The following ARHGAP24 variants were observed in gnomAD, a reference collection of about 807,000 sequenced individuals.
ARHGAP24 encodes the protein rho GTPase-activating protein 24.
In ARHGAP24, 50 loss-of-function variants were observed where a neutral mutation model predicts 76.4. The ratio of observed to expected loss-of-function variants is 0.65; its 90% CI spans 0.52 to 0.83. The LOEUF is 0.83. Ranked by LOEUF, ARHGAP24 falls within the 40% of genes least tolerant of loss-of-function variation. ARHGAP24 has a pLI of 0.00. For synonymous variants in ARHGAP24, 345 were observed against 323.3 expected (o/e 1.07, Z -0.72); for missense variants, 930 against 914.2 (o/e 1.02, Z -0.22).
At chr4:85,740,731 T>TCC (rs1466642419) in intron 3 of ARHGAP24, among the ~76,000 whole-genome samples, 1 of 152,176 alleles carries the variant, frequency 6.6e-6, no homozygotes. Context: ...GAAGATGATG[T>TCC]CATTCTTTGC....
At chr4:85,673,102 C>G (rs1161491626) in intron 2 of ARHGAP24, among the ~76,000 whole-genome samples, 1 of 152,144 alleles carries the variant, frequency 6.6e-6, no homozygotes, top group African/African-American at 2.4e-5. Flanking sequence ...TTTCCCTTAA[C>G]AAGGTAAGCA....
In ARHGAP24 at chr4:85,554,659, A is replaced by T. The variant is rs564952703; in HGVS notation, c.-20-15863A>T. 6.6e-5 allele frequency among the ~76,000 whole-genome samples: 10 copies of T among 151,372 alleles called. No individual in the cohort carries two copies. The South Asian group carries it at 2.1e-3, about 32-fold the overall frequency. ...GATCAGTTTGGTTCTTTTTATTTTT[A>T]TTATTATTATTTTTTCTTCTTAGAT... On this transcript the variant is annotated intron_variant, in intron 1 of 9. Transcript: ENST00000395184.
rs1007086611 is a variant in ARHGAP24 at position 85,995,159 on chromosome 4, G to A, written c.1505G>A (p.Ser502Asn). The A allele has an allele frequency of 1.2e-6, 2 of 1,613,942 alleles. No homozygotes were observed. The highest frequency in any genetic ancestry group is 2.7e-5 in the African/African-American group (2 of 74,888). ...LGNPTNVRNM[S>N]WLPNGYVTLR... ...AACCCCACAAATGTTCGAAACATGA[G>A]CTGGCTGCCAAATGGCTATGTGACC... Residue 502 changes from serine to asparagine, a missense_variant, in exon 9 of 10, where the codon AGC (serine) becomes AAC (asparagine). Coordinates refer to ENST00000395184, the MANE Select transcript of ARHGAP24 (RefSeq NM_001025616.3).
chr4:85,776,814 G>A (rs545714923), intron 3 of ARHGAP24, among the ~76,000 whole-genome samples: 115 of 152,118 alleles, frequency 7.6e-4, no homozygotes, highest in African/African-American at 2.6e-3. Flanking sequence ...TCTCCTCAAG[G>A]CCTATTACCT....
At chr4:85,667,561 G>T (rs982326586) in intron 2 of ARHGAP24, among the ~76,000 whole-genome samples, 1 of 152,188 alleles carries the variant, frequency 6.6e-6, no homozygotes, top group Non-Finnish European at 1.5e-5. Context: ...TACCTCAGAT[G>T]GAAATGCAGA....
intron 1 of ARHGAP24, among the ~76,000 whole-genome samples, chr4:85,541,712 A>G (rs1276736989): frequency 6.6e-6 from 1 of 152,126 alleles, no homozygotes; most frequent in African/African-American, 2.4e-5. Flanking sequence ...AGATCAGCAC[A>G]TTTTCTAAGT....
At chr4:85,572,147 A>T (rs1727164262) in intron 2 of ARHGAP24, among the ~76,000 whole-genome samples, 1 of 152,172 alleles carries the variant, frequency 6.6e-6, no homozygotes, top group Non-Finnish European at 1.5e-5. Flanking sequence ...CTTACCCTCC[A>T]CGGTTCTTTT....
At chr4:85,479,552 A>G (rs1008494781) in intron 1 of ARHGAP24, among the ~76,000 whole-genome samples, 2 of 152,232 alleles carry the variant, frequency 1.3e-5, no homozygotes, top group Non-Finnish European at 2.9e-5. Context: ...TGGCTATTTA[A>G]TAATTATCTG....
rs187632436 is a variant in ARHGAP24 at position 85,643,751 on chromosome 4, T to C, written c.180+73030T>C. Among the ~76,000 whole-genome samples the C allele has an allele frequency of 7.0e-3, 1,067 of 152,240 alleles. 14 individuals carry two copies. The highest frequency in any genetic ancestry group is 0.025 in the African/African-American group (1,021 of 41,548). ...TGTTTTATTCCCCAAAAGAGTATCT[T>C]TTGATATTGGTTTTCAGCAAAAATT... On this transcript the variant is annotated intron_variant, in intron 2 of 9. Transcript: ENST00000395184.
At chr4:85,698,390 T>C (rs1723947473) in intron 2 of ARHGAP24, among the ~76,000 whole-genome samples, 1 of 152,136 alleles carries the variant, frequency 6.6e-6, no homozygotes, top group Admixed American at 6.6e-5. Context: ...GATCCAGAAA[T>C]TCTTCAGAGA....
At chr4:85,903,156 GA>G (rs1734594242) in intron 3 of ARHGAP24, among the ~76,000 whole-genome samples, 1 of 152,140 alleles carries the variant, frequency 6.6e-6, no homozygotes, top group African/African-American at 2.4e-5. Context: ...TCTTAAATGA[GA>G]AATTTTACAC....
intron 2 of ARHGAP24, among the ~76,000 whole-genome samples, chr4:85,676,543 C>G (rs1362062383): frequency 6.6e-6 from 1 of 152,012 alleles, no homozygotes; most frequent in Non-Finnish European, 1.5e-5. Context: ...TGAACTCTAA[C>G]CAAGTGGGAA....
chr4:85,997,381 TAGATAG>T (rs1560776653), intron 9 of ARHGAP24, among the ~76,000 whole-genome samples: 37 of 29,712 alleles, frequency 1.2e-3, no homozygotes, highest in Middle Eastern at 0.022. Context: ...TATAGATAGA[TAGATAG>T]ATAGATAGAT....
chr4:85,976,104 GA>G (rs1329289105), intron 7 of ARHGAP24, among the ~76,000 whole-genome samples: 2 of 152,212 alleles, frequency 1.3e-5, no homozygotes, highest in African/African-American at 4.8e-5. Flanking sequence ...TAAAAGGGAT[GA>G]AAAAGCTTCT....
In ARHGAP24 at chr4:85,643,230, T is replaced by TTGTGTGTG. The variant is rs1560566224; in HGVS notation, c.180+72514_180+72515insGTGTGTGT. 9.6e-4 allele frequency among the ~76,000 whole-genome samples: 99 copies of TTGTGTGTG among 103,414 alleles called. 5 individuals carry two copies. The highest frequency in any genetic ancestry group is 3.5e-3 in the African/African-American group (98 of 27,932). 67.8% of individuals were successfully genotyped at this position (103,414 alleles called of 152,430 possible). ...CTTTTCTTTTTTATTTTCCGTTTTT[T>TTGTGTGTG]TGTGTTTTTTTTTTTTTTTTTTTTT... On this transcript the variant is annotated intron_variant, in intron 2 of 9. Coordinates refer to ENST00000395184, the MANE Select transcript of ARHGAP24 (RefSeq NM_001025616.3).
intron 2 of ARHGAP24, among the ~76,000 whole-genome samples, chr4:85,640,156 G>A (rs144136624): frequency 4.6e-5 from 7 of 152,196 alleles, no homozygotes; most frequent in South Asian, 4.1e-4. Flanking sequence ...CTATGAGGCC[G>A]TTAGCCACCT....
At chr4:85,866,242 A>C (rs1278563483) in intron 3 of ARHGAP24, among the ~76,000 whole-genome samples, 1 of 152,176 alleles carries the variant, frequency 6.6e-6, no homozygotes, top group Non-Finnish European at 1.5e-5. Context: ...TCAACCTGTC[A>C]GTGACAAAGA....
At chr4:85,639,549 T>C (rs916926325) in intron 2 of ARHGAP24, among the ~76,000 whole-genome samples, 1 of 152,178 alleles carries the variant, frequency 6.6e-6, no homozygotes, top group Non-Finnish European at 1.5e-5. Context: ...TGGGAAAAAA[T>C]AATTGCTGAA....
chr4:85,750,907 A>G (rs1726237443), intron 3 of ARHGAP24, among the ~76,000 whole-genome samples: 1 of 152,172 alleles, frequency 6.6e-6, no homozygotes, highest in African/African-American at 2.4e-5. Flanking sequence ...TCTTCTACAC[A>G]GTTTTGTTGC....
Sources: allele counts gnomAD v4.1 joint callset (sites outside exome capture counted in the v4.1 genomes callset), GRCh38; gene constraint gnomAD v4.1.1; transcripts MANE v1.5; gene names NCBI Gene and HGNC (gene_info 2026-07-23, HGNC 2026-07-21).